Variants in GALNTL6 observed in about 807,000 individuals in gnomAD.
The protein encoded by GALNTL6 is polypeptide N-acetylgalactosaminyltransferase like 6, also known as polypeptide N-acetylgalactosaminyltransferase-like 6.
In GALNTL6, 46 loss-of-function variants were observed where a neutral mutation model predicts 73.7. That is an observed-to-expected ratio of 0.62 (90% CI 0.49 to 0.80). The LOEUF (loss-of-function observed/expected upper bound fraction) is 0.80, where lower values mean the gene tolerates loss of function less well. GALNTL6 is among the 30% of genes least tolerant of loss of function. GALNTL6 has a pLI of 0.00. For synonymous variants in GALNTL6, 259 were observed against 263.7 expected (o/e 0.98, Z 0.17); for missense variants, 604 against 755.0 (o/e 0.80, Z 2.34).
chr4:172,388,047 C>G (rs1195369683), intron 5 of GALNTL6, among the ~76,000 whole-genome samples: 1 of 152,146 alleles, frequency 6.6e-6, no homozygotes, highest in Non-Finnish European at 1.5e-5. Context: ...TGGATACGAT[C>G]AAAATAGGCA....
intron 2 of GALNTL6, among the ~76,000 whole-genome samples, chr4:171,858,294 G>A (rs973956422): frequency 2.0e-5 from 3 of 152,042 alleles, no homozygotes; most frequent in African/African-American, 7.2e-5. Flanking sequence ...TTAATCGTGT[G>A]TTTTGTTATC....
At chr4:172,795,048 G>A (rs181876802) in intron 5 of GALNTL6, among the ~76,000 whole-genome samples, 25 of 152,280 alleles carry the variant, frequency 1.6e-4, no homozygotes, top group Admixed American at 6.5e-4. Flanking sequence ...GGAGACTGCA[G>A]GTTTAGAAAA....
intron 5 of GALNTL6, among the ~76,000 whole-genome samples, chr4:172,524,326 G>A (rs977507158): frequency 2.6e-5 from 4 of 151,780 alleles, no homozygotes; most frequent in Admixed American, 6.6e-5. Flanking sequence ...TTGGCTCACC[G>A]CAACCTCCGC....
intron 2 of GALNTL6, among the ~76,000 whole-genome samples, chr4:171,966,666 T>C (rs919860228): frequency 1.3e-5 from 2 of 152,228 alleles, no homozygotes; most frequent in African/African-American, 4.8e-5. Context: ...CATTGGGCTT[T>C]ACCTCCATTT....
At chr4:172,480,873 G>A (rs1208481673) in intron 5 of GALNTL6, among the ~76,000 whole-genome samples, 1 of 152,106 alleles carries the variant, frequency 6.6e-6, no homozygotes, top group African/African-American at 2.4e-5. Context: ...TCCTCCACTA[G>A]ACTAGCCTAG....
At chr4:172,360,289 G>A (rs376984511) in intron 5 of GALNTL6, among the ~76,000 whole-genome samples, 1 of 140,932 alleles carries the variant, frequency 7.1e-6, no homozygotes, top group African/African-American at 2.6e-5. Context: ...ACATTCTTAT[G>A]TGTATACTTT....
chr4:172,710,558 C>T (rs913919455), intron 5 of GALNTL6, among the ~76,000 whole-genome samples: 81 of 152,088 alleles, frequency 5.3e-4, no homozygotes, highest in Admixed American at 5.3e-3. Context: ...GCTATTTTAA[C>T]TCGATCAGTT....
At chr4:172,108,787 G>A (rs1397156540) in intron 2 of GALNTL6, among the ~76,000 whole-genome samples, 4 of 151,902 alleles carry the variant, frequency 2.6e-5, no homozygotes, top group South Asian at 2.1e-4. Context: ...TGAGGCAGGC[G>A]GAACACCTGA....
intron 2 of GALNTL6, among the ~76,000 whole-genome samples, chr4:172,153,840 C>A (rs1311007517): frequency 6.6e-6 from 1 of 152,206 alleles, no homozygotes; most frequent in African/African-American, 2.4e-5. Context: ...TAAACCTAAT[C>A]ATCAAACAAT....
At chr4:172,051,531 C>A (rs1185380564) in intron 2 of GALNTL6, among the ~76,000 whole-genome samples, 1 of 152,012 alleles carries the variant, frequency 6.6e-6, no homozygotes, top group Non-Finnish European at 1.5e-5. Context: ...GTTTGGCCAC[C>A]CAGTGGCTGA....
intron 2 of GALNTL6, among the ~76,000 whole-genome samples, chr4:171,927,732 C>A (rs1738032199): frequency 6.6e-6 from 1 of 152,064 alleles, no homozygotes; most frequent in Non-Finnish European, 1.5e-5. Context: ...TTTGTGATTC[C>A]CTTTGCTTGG....
chr4:172,154,018 A>G (rs1734176832), intron 2 of GALNTL6, among the ~76,000 whole-genome samples: 1 of 151,330 alleles, frequency 6.6e-6, no homozygotes, highest in Admixed American at 6.6e-5. Context: ...GCACAAAGCA[A>G]TTGTGTTGTG....
intron 2 of GALNTL6, among the ~76,000 whole-genome samples, chr4:171,842,808 C>G (rs1260596528): frequency 6.6e-6 from 1 of 152,114 alleles, no homozygotes; most frequent in African/African-American, 2.4e-5. Context: ...GAAATCACAT[C>G]TCAACATGAG....
rs372217265 is a variant in GALNTL6 at position 172,534,066 on chromosome 4, A to T, written c.553+185377A>T. Among the ~76,000 whole-genome samples the T allele has an allele frequency of 8.8e-4, 134 of 152,332 alleles. 3 individuals are homozygous for T. The South Asian group carries it at 0.027, about 31-fold the overall frequency. Reference sequence around the variant, plus strand: ...GATTCCAAGGAGGCAGGCTACAAATAAAGGGTATAATGTGAAGCCAGCCAC... The same window carrying T: ...GATTCCAAGGAGGCAGGCTACAAATTAAGGGTATAATGTGAAGCCAGCCAC... On this transcript the variant is annotated intron_variant, in intron 5 of 12. Transcript: ENST00000506823.
intron 5 of GALNTL6, among the ~76,000 whole-genome samples, chr4:172,355,428 T>C (rs1742115722): frequency 6.6e-6 from 1 of 152,080 alleles, no homozygotes; most frequent in Non-Finnish European, 1.5e-5. Context: ...TTGGAAAATA[T>C]GTGATAAAAT....
intron 3 of GALNTL6, among the ~76,000 whole-genome samples, chr4:172,256,491 C>T (rs1281771417): frequency 6.6e-6 from 1 of 151,406 alleles, no homozygotes; most frequent in Non-Finnish European, 1.5e-5. Context: ...AAAATCCAAA[C>T]TTCTTAACCT....
intron 5 of GALNTL6, among the ~76,000 whole-genome samples, chr4:172,563,513 A>C (rs1736452395): frequency 6.6e-6 from 1 of 152,220 alleles, no homozygotes; most frequent in Non-Finnish European, 1.5e-5. Context: ...GTTATCTATA[A>C]AATCTTTAAG....
At chr4:172,952,398 C>A (rs1380280119) in intron 10 of GALNTL6, 140 bp downstream of exon 10, 5 of 618,426 alleles carry the variant, frequency 8.1e-6, no homozygotes, top group Non-Finnish European at 8.6e-6. Context: ...ATCTCAAATA[C>A]ATGAATGTTC....
rs187258017 is a variant in GALNTL6 at position 172,333,354 on chromosome 4, G to A, written c.387-15169G>A. On this transcript the variant is annotated intron_variant, in intron 4 of 12. Coordinates refer to ENST00000506823, the MANE Select transcript of GALNTL6 (RefSeq NM_001034845.3). ...TGGGAGATGGAGGTTGCAGTGAGCC[G>A]AGATCGTGCAATTGCATTCCAGCCT... is the stretch of plus-strand genomic sequence containing the variant. Among the ~76,000 whole-genome samples, 800 of 152,218 alleles carry A rather than the reference G, an allele frequency of 5.3e-3. 3 individuals carry two copies. Among genetic ancestry groups the A allele is most frequent in the South Asian group, 0.024 (118 of 4,824 alleles).
Sources: gnomAD v4.1 joint callset for allele counts (sites outside exome capture counted in the v4.1 genomes callset) on GRCh38, gnomAD v4.1.1 for gene constraint, MANE v1.5 for transcripts, NCBI Gene and HGNC (gene_info 2026-07-23, HGNC 2026-07-21) for gene names.